The following GFRA2 variants were observed in gnomAD, a reference collection of about 807,000 sequenced individuals.
GFRA2 encodes the protein GDNF family receptor alpha 2.
Under a neutral mutation model 48.3 loss-of-function variants are expected in GFRA2, and 17 were observed. That is an observed-to-expected ratio of 0.35 (90% CI 0.24 to 0.53). The LOEUF (loss-of-function observed/expected upper bound fraction) is 0.53. Ranked by LOEUF, GFRA2 falls within the 20% of genes least tolerant of loss-of-function variation. GFRA2 has a pLI of 0.93. For synonymous variants in GFRA2, 305 were observed against 257.2 expected (o/e 1.19, Z -1.78); for missense variants, 660 against 637.3 (o/e 1.04, Z -0.38).
chr8:21,736,551 A>G (rs1804473516), intron 4 of GFRA2, among the ~76,000 whole-genome samples: 1 of 152,018 alleles, frequency 6.6e-6, no homozygotes, highest in Non-Finnish European at 1.5e-5. Flanking sequence ...GCTGCAATGC[A>G]GTGGCAAGAT....
intron 4 of GFRA2, among the ~76,000 whole-genome samples, chr8:21,735,738 C>T (rs1175684291): frequency 6.6e-6 from 1 of 152,194 alleles, no homozygotes; most frequent in Non-Finnish European, 1.5e-5. Context: ...TCACAGCTCA[C>T]TGCAGCCTTG....
At chr8:21,723,291 C>T (rs1241175417) in intron 4 of GFRA2, among the ~76,000 whole-genome samples, 1 of 152,178 alleles carries the variant, frequency 6.6e-6, no homozygotes, top group African/African-American at 2.4e-5. Flanking sequence ...CAAGGTTCTT[C>T]ATGTCTTCTA....
At chr8:21,760,900 G>T (rs975171069) in intron 3 of GFRA2, among the ~76,000 whole-genome samples, 2 of 152,180 alleles carry the variant, frequency 1.3e-5, no homozygotes, top group Non-Finnish European at 2.9e-5. Flanking sequence ...GTTTCGAAAA[G>T]GAGGATGGTC....
chr8:21,804,200 G>GCACACACA (rs146613602), intron 2 of GFRA2, among the ~76,000 whole-genome samples: 2 of 145,046 alleles, frequency 1.4e-5, no homozygotes, highest in Non-Finnish European at 3.1e-5. Context: ...ATACATACAT[G>GCACACACA]CACACACACA....
chr8:21,735,649 TG>T (rs931278439), intron 4 of GFRA2, among the ~76,000 whole-genome samples: 1 of 152,086 alleles, frequency 6.6e-6, no homozygotes, highest in African/African-American at 2.4e-5. Context: ...TATAGCCAGG[TG>T]CTCATTGTTG....
intron 7 of GFRA2, among the ~76,000 whole-genome samples, chr8:21,701,378 T>C (rs1401891879): frequency 1.3e-5 from 2 of 152,156 alleles, no homozygotes; most frequent in African/African-American, 2.4e-5. Context: ...TGGGCGAGAC[T>C]GCGAGACTCC....
At chr8:21,722,301 C>A (rs948456630) in intron 4 of GFRA2, among the ~76,000 whole-genome samples, 2 of 152,114 alleles carry the variant, frequency 1.3e-5, no homozygotes, top group Non-Finnish European at 2.9e-5. Context: ...AGGAACATAG[C>A]GCCTTAGGAG....
chr8:21,775,616 C>A (rs1245447379), intron 2 of GFRA2, among the ~76,000 whole-genome samples: 2 of 152,214 alleles, frequency 1.3e-5, no homozygotes, highest in South Asian at 4.1e-4. Context: ...CCGCCCAGGT[C>A]ACTGAGGAGG....
At chr8:21,800,718 A>G (rs1472096360) in intron 2 of GFRA2, among the ~76,000 whole-genome samples, 1 of 152,194 alleles carries the variant, frequency 6.6e-6, no homozygotes, top group Non-Finnish European at 1.5e-5. Flanking sequence ...TGAGCCCAGG[A>G]GTTGGAGGCC....
chr8:21,764,630 T>C (rs138164001), intron 3 of GFRA2, among the ~76,000 whole-genome samples: 1,642 of 152,366 alleles, frequency 0.011, 22 homozygotes, highest in African/African-American at 0.036. Context: ...AAGGCTGCCC[T>C]GCCATGCGTG....
chr8:21,707,708 A>C (rs764837420), intron 4 of GFRA2, among the ~76,000 whole-genome samples: 2 of 152,226 alleles, frequency 1.3e-5, no homozygotes, highest in Admixed American at 6.5e-5. Context: ...AAATGAATAA[A>C]AAGTACTCTA....
chr8:21,726,551 C>T (rs1326107665), intron 4 of GFRA2, among the ~76,000 whole-genome samples: 1 of 152,146 alleles, frequency 6.6e-6, no homozygotes, highest in Admixed American at 6.5e-5. Context: ...AGGGGCCCTT[C>T]CTTGCCTCTT....
intron 1 of GFRA2, among the ~76,000 whole-genome samples, chr8:21,787,272 C>G (rs796122053): frequency 0.097 from 6,799 of 70,214 alleles, 341 homozygotes; most frequent in East Asian, 0.23. Context: ...GCGGGGGGGG[C>G]AGTGGGGGGG....
chr8:21,784,401 AT>A, intron 1 of GFRA2: 1 of 454,124 alleles, frequency 2.2e-6, no homozygotes, highest in African/African-American at 2.0e-5. Flanking sequence ...ACATAATAAA[AT>A]CCTAGGCCAG....
intron 1 of GFRA2, among the ~76,000 whole-genome samples, chr8:21,787,671 TC>T (rs1807349725): frequency 6.6e-6 from 1 of 152,110 alleles, no homozygotes; most frequent in South Asian, 2.1e-4. Context: ...CACGACCGAC[TC>T]GGGGAGCAGA....
At chr8:21,764,341 C>G (rs1487781450) in intron 3 of GFRA2, among the ~76,000 whole-genome samples, 1 of 152,174 alleles carries the variant, frequency 6.6e-6, no homozygotes. Context: ...TAGAAGCACA[C>G]TAATCCCATT....
intron 3 of GFRA2, among the ~76,000 whole-genome samples, chr8:21,752,970 C>T (rs1805371981): frequency 6.6e-6 from 1 of 152,162 alleles, no homozygotes; most frequent in Admixed American, 6.5e-5. Context: ...TAAGAGCCTC[C>T]TTCTCCCAGC....
chr8:21,773,261 T>G (rs1806523323), intron 3 of GFRA2, among the ~76,000 whole-genome samples: 1 of 152,194 alleles, frequency 6.6e-6, no homozygotes, highest in Admixed American at 6.5e-5. Flanking sequence ...TGCTCTGAGC[T>G]CAGAGCCTCT....
chr8:21,725,735 C>G (rs1198930030), intron 4 of GFRA2, among the ~76,000 whole-genome samples: 2 of 152,212 alleles, frequency 1.3e-5, no homozygotes, highest in Non-Finnish European at 2.9e-5. Context: ...ACTTGTGGCA[C>G]AGCTGGGAAG....
Sources: allele counts gnomAD v4.1 joint callset (sites outside exome capture counted in the v4.1 genomes callset), GRCh38; gene constraint gnomAD v4.1.1; transcripts MANE v1.5; gene names NCBI Gene and HGNC (gene_info 2026-07-23, HGNC 2026-07-21).